Variants in CAMK4 observed in about 807,000 individuals in gnomAD.
CAMK4 encodes calcium/calmodulin-dependent protein kinase type IV.
Under a neutral mutation model 44.9 loss-of-function variants are expected in CAMK4, and 22 were observed. That is an observed-to-expected ratio of 0.49 (90% CI 0.35 to 0.70). The LOEUF is 0.70. CAMK4 is among the 30% of genes least tolerant of loss of function. CAMK4 has a pLI of 0.01. For missense variants in CAMK4, 498 were observed against 586.8 expected, an observed-to-expected ratio of 0.85 and a Z score of 1.56; for synonymous variants, 218 against 215.4, an observed-to-expected ratio of 1.01 and a Z score of -0.11.
chr5:111,323,722 C>G (rs1483041256), intron 1 of CAMK4, among the ~76,000 whole-genome samples: 1 of 152,014 alleles, frequency 6.6e-6, no homozygotes, highest in African/African-American at 2.4e-5. Context: ...CTGAAAGAAT[C>G]TATTGTCAGC....
At chr5:111,410,550 A>G (rs1331435682) in intron 5 of CAMK4, among the ~76,000 whole-genome samples, 1 of 152,094 alleles carries the variant, frequency 6.6e-6, no homozygotes, top group African/African-American at 2.4e-5. Flanking sequence ...TTATTGGAGG[A>G]TGGGTTGGGA....
intron 2 of CAMK4, among the ~76,000 whole-genome samples, chr5:111,347,818 G>A (rs930482339): frequency 5.9e-5 from 9 of 152,018 alleles, no homozygotes; most frequent in East Asian, 1.9e-4. Flanking sequence ...TGGGAGTTAG[G>A]ATAATGTCTG....
intron 1 of CAMK4, among the ~76,000 whole-genome samples, chr5:111,313,424 A>G (rs1315716822): frequency 6.6e-6 from 1 of 152,118 alleles, no homozygotes; most frequent in Non-Finnish European, 1.5e-5. Context: ...CTTAAGAAAT[A>G]TGAATATCCA....
At position 111,485,942 on chromosome 5, in the gene CAMK4, C is replaced by A. The variant is rs1433887952; in HGVS notation, c.*1476C>A. On this transcript the variant is annotated 3_prime_UTR_variant, in exon 11 of 11. Transcript: ENST00000282356. ...GTGTCACATTTTTGGTGGGTTTTCT[C>A]AATTTTAAAAAAGAATTCATTTTAA... is the stretch of plus-strand genomic sequence containing the variant. The A allele has an allele frequency of 6.6e-6, 1 of 151,958 alleles. No homozygotes were observed. Among genetic ancestry groups the A allele is most frequent in the Non-Finnish European group, 1.5e-5 (1 of 67,982 alleles). 9.4% of individuals were successfully genotyped at this position (151,958 alleles called of 1,614,324 possible). A position where few individuals can be genotyped will look rare whatever the true frequency, so the allele number is the denominator to read the frequency against.
At chr5:111,245,415 G>A (rs1454561893) in intron 1 of CAMK4, among the ~76,000 whole-genome samples, 1 of 152,166 alleles carries the variant, frequency 6.6e-6, no homozygotes, top group Non-Finnish European at 1.5e-5. Context: ...AAAATTGCAA[G>A]TGTTGTCTTT....
intron 4 of CAMK4, among the ~76,000 whole-genome samples, chr5:111,379,469 T>G (rs565449141): frequency 6.6e-6 from 1 of 152,282 alleles, no homozygotes; most frequent in East Asian, 1.9e-4. Flanking sequence ...TTTTAAAAGA[T>G]AGACTCTTTT....
chr5:111,371,843 G>C (rs1418023238), intron 2 of CAMK4, among the ~76,000 whole-genome samples: 1 of 152,022 alleles, frequency 6.6e-6, no homozygotes, highest in African/African-American at 2.4e-5. Context: ...ATTTTCTTAG[G>C]CTTCTTTACT....
intron 5 of CAMK4, among the ~76,000 whole-genome samples, chr5:111,415,430 C>T (rs1419522511): frequency 1.3e-5 from 2 of 152,088 alleles, no homozygotes; most frequent in South Asian, 2.1e-4. Context: ...ATTCAGAATG[C>T]CAGCGAGAGC....
intron 5 of CAMK4, among the ~76,000 whole-genome samples, chr5:111,427,641 G>A (rs1301745456): frequency 6.6e-6 from 1 of 152,196 alleles, no homozygotes; most frequent in Non-Finnish European, 1.5e-5. Flanking sequence ...AGTGGCTATG[G>A]GCTGCTCTGC....
chr5:111,316,793 A>G lies in CAMK4; in HGVS notation c.162-27231A>G, dbSNP rs116463799. On this transcript the variant is annotated intron_variant, in intron 1 of 10. Transcript: ENST00000282356. Reference sequence around the variant, plus strand: ...CAAGCAATCTATAATTTCAATTAATATTGCATTTTCAAGAATAGGAATAGC... The same window carrying G: ...CAAGCAATCTATAATTTCAATTAATGTTGCATTTTCAAGAATAGGAATAGC... Among the ~76,000 whole-genome samples, 647 of 152,266 alleles carry G rather than the reference A, an allele frequency of 4.2e-3. 4 individuals are homozygous for G. Among genetic ancestry groups the G allele is most frequent in the African/African-American group, 0.014 (595 of 41,558 alleles).
intron 2 of CAMK4, among the ~76,000 whole-genome samples, chr5:111,371,550 A>T (rs1017055808): frequency 1.3e-5 from 2 of 152,146 alleles, no homozygotes; most frequent in Non-Finnish European, 2.9e-5. Context: ...CCAATTATTT[A>T]ACATGGGGCT....
At chr5:111,393,476 A>C (rs958688450) in intron 4 of CAMK4, among the ~76,000 whole-genome samples, 1 of 152,132 alleles carries the variant, frequency 6.6e-6, no homozygotes, top group Admixed American at 6.6e-5. Flanking sequence ...ATTAATAGGT[A>C]ATGCTGGGGT....
intron 2 of CAMK4, among the ~76,000 whole-genome samples, chr5:111,352,935 AT>A (rs1750176243): frequency 6.6e-6 from 1 of 152,064 alleles, no homozygotes; most frequent in Non-Finnish European, 1.5e-5. Flanking sequence ...TTTGCCCAGG[AT>A]TTGGGAAAAG....
At chr5:111,328,696 G>T (rs1749015202) in intron 1 of CAMK4, among the ~76,000 whole-genome samples, 1 of 151,958 alleles carries the variant, frequency 6.6e-6, no homozygotes, top group Non-Finnish European at 1.5e-5. Flanking sequence ...TTGAGCAGAG[G>T]TTTGTAGTTC....
intron 5 of CAMK4, among the ~76,000 whole-genome samples, chr5:111,409,177 C>A (rs1056587298): frequency 3.3e-5 from 5 of 152,196 alleles, no homozygotes; most frequent in South Asian, 2.1e-4. Context: ...TCTGCACTAC[C>A]CTAGCAGACG....
intron 1 of CAMK4, among the ~76,000 whole-genome samples, chr5:111,340,777 A>G (rs533525414): frequency 1.9e-4 from 28 of 151,190 alleles, no homozygotes; most frequent in African/African-American, 6.3e-4. Context: ...ACGGATTGGT[A>G]TTAGTTTTTT....
Position 111,290,597 on chromosome 5 carries a change from G to C in CAMK4, c.162-53427G>C, listed in dbSNP as rs1235636861. On this transcript the variant is annotated intron_variant, in intron 1 of 10. Transcript: ENST00000282356. This position sits in a 1 kb window ranked among gnomAD's most constrained non-coding sequence, Gnocchi z 4.5. ...CCAGGATGCGGGGCAGAGCCAAGGG[G>C]AACGTTTTGTTCAGTGACTCTTGAG... Among the ~76,000 whole-genome samples, 1 of 152,180 alleles carries C rather than the reference G, an allele frequency of 6.6e-6. No individual in the cohort carries two copies.
At chr5:111,447,047 C>A (rs1754055637) in intron 6 of CAMK4, among the ~76,000 whole-genome samples, 1 of 152,058 alleles carries the variant, frequency 6.6e-6, no homozygotes, top group Non-Finnish European at 1.5e-5. Context: ...CAGGAGATGA[C>A]CTTGTATTTT....
At chr5:111,256,911 T>G (rs987983529) in intron 1 of CAMK4, among the ~76,000 whole-genome samples, 1 of 152,184 alleles carries the variant, frequency 6.6e-6, no homozygotes, top group African/African-American at 2.4e-5. Context: ...CCAGCAGTCC[T>G]TCAGACAAAT....
Sources: gnomAD v4.1 joint callset for allele counts (sites outside exome capture counted in the v4.1 genomes callset) on GRCh38, gnomAD v4.1.1 for gene constraint, Gnocchi (gnomAD v3.1) non-coding constraint, MANE v1.5 for transcripts, NCBI Gene and HGNC (gene_info 2026-07-23, HGNC 2026-07-21) for gene names.